Variants in UBXN10 observed in about 807,000 individuals in gnomAD.
The protein encoded by UBXN10 is UBX domain-containing protein 10.
A neutral mutation model predicts 6.9 loss-of-function variants in UBXN10; 6 were observed. The observed-to-expected ratio is 0.87, with a 90% CI of 0.48 to 1.72. The LOEUF (loss-of-function observed/expected upper bound fraction) is 1.72, where lower values mean the gene tolerates loss of function less well. Among genes scored for constraint, UBXN10 ranks in the 40% most tolerant of loss-of-function variants. The pLI is 0.01. For missense variants in UBXN10, 317 were observed against 348.4 expected, an observed-to-expected ratio of 0.91 and a Z score of 0.72; for synonymous variants, 131 against 135.2, an observed-to-expected ratio of 0.97 and a Z score of 0.21.
chr1:20,185,674 T>A (rs1337526699), upstream of UBXN10, among the ~76,000 whole-genome samples: 1 of 152,094 alleles, frequency 6.6e-6, no homozygotes, highest in Non-Finnish European at 1.5e-5. Context: ...CCTAGAAGCA[T>A]CCACTCAGAG....
In UBXN10 at chr1:20,191,116, G is replaced by T; in HGVS notation, c.555G>T (p.Arg185Ser). Reference sequence around the variant, plus strand: ...GAACCAAGAAACAGGGCTCTTCCAGGGCTGGAAATCTGGAGGAACCATCGG... The same window carrying T: ...GAACCAAGAAACAGGGCTCTTCCAGTGCTGGAAATCTGGAGGAACCATCGG... ...IVRTKKQGSS[R>S]AGNLEEPSDQ... The change falls in exon 2 of 2, where the codon AGG becomes AGT. Residue 185 changes from arginine (R) to serine (S), a missense_variant. Coordinates refer to ENST00000375099, the MANE Select transcript of UBXN10 (RefSeq NM_152376.5). The surrounding 1 kb of genome is among the most constrained non-coding windows in gnomAD (Gnocchi z 4.5). 6.2e-7 allele frequency: 1 copy of T among 1,614,148 alleles called. No individual in the cohort carries two copies. Among genetic ancestry groups the T allele is most frequent in the Non-Finnish European group, 8.5e-7 (1 of 1,180,034 alleles).
intron 1 of UBXN10, among the ~76,000 whole-genome samples, chr1:20,188,488 A>G (rs1404250258): frequency 6.6e-6 from 1 of 152,230 alleles, no homozygotes. Context: ...ATTAGGCAGC[A>G]GTGGTTACAT....
Position 20,194,404 on chromosome 1 carries a change from T to G in UBXN10, c.*3000T>G, listed in dbSNP as rs1356956640. ...CACAACAGATCTTGCCCTGAGAATATCTGGGGACCCAGCCAACAGCCTTCA... is the reference window on the plus strand; with the variant it reads ...CACAACAGATCTTGCCCTGAGAATAGCTGGGGACCCAGCCAACAGCCTTCA... On this transcript the variant is annotated 3_prime_UTR_variant, in exon 2 of 2. Transcript: ENST00000375099. The G allele has an allele frequency of 6.0e-6, 1 of 167,052 alleles. No individual in the cohort carries two copies. Among genetic ancestry groups the G allele is most frequent in the Admixed American group, 6.5e-5 (1 of 15,286 alleles). The allele number at this position is 167,052 out of a possible 1,614,324, so 10.3% of individuals were successfully genotyped here. A position where few individuals can be genotyped will look rare whatever the true frequency, so the allele number is the denominator to read the frequency against.
upstream of UBXN10, among the ~76,000 whole-genome samples, chr1:20,185,162 A>C (rs1367923372): frequency 6.6e-6 from 1 of 151,822 alleles, no homozygotes; most frequent in Non-Finnish European, 1.5e-5. Context: ...AAAAAGAAGA[A>C]AGGAGGGAGA....
At chr1:20,184,066 C>G (rs1358524061), upstream of UBXN10, among the ~76,000 whole-genome samples, 1 of 152,238 alleles carries the variant, frequency 6.6e-6, no homozygotes, top group Admixed American at 6.5e-5. Context: ...CTGCCTCCCC[C>G]TGGGGCTGGG....
upstream of UBXN10, among the ~76,000 whole-genome samples, chr1:20,185,882 AGAG>A (rs1016064512): frequency 2.0e-5 from 3 of 152,142 alleles, no homozygotes; most frequent in African/African-American, 7.2e-5. Flanking sequence ...GACGCTAGGA[AGAG>A]GAGGAGAGAA....
chr1:20,189,213 A>G lies in UBXN10; in HGVS notation c.-15-1334A>G, dbSNP rs1349828155. On this transcript the variant is annotated intron_variant, in intron 1 of 1. Transcript: ENST00000375099. ...CCAAATATGCTGTTTCTTGGGGACC[A>G]TGAATCACTGGAAAGTCACCAGAAG... Among the ~76,000 whole-genome samples the G allele has an allele frequency of 2.0e-5, 3 of 152,000 alleles. No homozygotes were observed. In the East Asian group the frequency reaches 5.8e-4, roughly 29 times the overall value.
In UBXN10 at chr1:20,195,525, A is replaced by G. The variant is rs2018584420; in HGVS notation, c.*4121A>G. On this transcript the variant is annotated 3_prime_UTR_variant, in exon 2 of 2. Coordinates refer to ENST00000375099, the MANE Select transcript of UBXN10 (RefSeq NM_152376.5). The stretch of plus-strand genomic sequence containing the variant: ...ACATATAATCCATTTTCTTAAGGAG[A>G]AAAAAAAGGATAGTTTGACAAGTTG... 1 of 166,938 alleles carries G rather than the reference A, an allele frequency of 6.0e-6. No homozygotes were observed. The highest frequency in any genetic ancestry group is 1.5e-5 in the Non-Finnish European group (1 of 68,094). 10.3% of individuals were successfully genotyped at this position (166,938 alleles called of 1,614,324 possible). A position where few individuals can be genotyped will look rare whatever the true frequency, so the allele number is the denominator to read the frequency against.
chr1:20,190,958 G>A lies in UBXN10; in HGVS notation c.397G>A (p.Val133Ile), dbSNP rs764158276. 35 of 1,613,996 alleles carry A rather than the reference G, an allele frequency of 2.2e-5. No homozygotes were observed. The highest frequency in any genetic ancestry group is 3.3e-4 in the Middle Eastern group (2 of 6,084). Reference protein sequence around the residue: ...KNLEEEAVETVAKKASSLQLS... With the variant: ...KNLEEEAVETIAKKASSLQLS... ...CCTGGAGGAGGAGGCTGTGGAAACC[G>A]TTGCCAAAAAGGCCAGCTCACTGCA... Residue 133 changes from valine to isoleucine, a missense_variant, in exon 2 of 2, where the codon GTT (valine) becomes ATT (isoleucine). By Grantham distance (29) the Val-to-Ile change is conservative. Coordinates refer to ENST00000375099, the MANE Select transcript of UBXN10 (RefSeq NM_152376.5).
intron 1 of UBXN10, among the ~76,000 whole-genome samples, chr1:20,190,230 TA>T (rs2018465921): frequency 6.6e-6 from 1 of 152,148 alleles, no homozygotes; most frequent in Non-Finnish European, 1.5e-5. Flanking sequence ...TCCCCCACCT[TA>T]ATCACGCTCT....
intron 1 of UBXN10, among the ~76,000 whole-genome samples, chr1:20,190,158 AAC>A (rs1382848739): frequency 3.9e-5 from 6 of 152,338 alleles, no homozygotes; most frequent in African/African-American, 1.2e-4. Flanking sequence ...GTTTTACTGA[AAC>A]ACAGCAGGTT....
rs1217609341 is a variant in UBXN10 at position 20,190,847 on chromosome 1, A to G, written c.286A>G (p.Ile96Val). ...KSPNQGASDEIPELQQQVPTG... is the reference protein window; with the variant it reads ...KSPNQGASDEVPELQQQVPTG... ...TCCAAACCAGGGAGCTTCTGATGAG[A>G]TCCCTGAGCTGCAGCAGCAAGTACC... Residue 96 changes from isoleucine to valine, a missense_variant, in exon 2 of 2, where the codon ATC becomes GTC. By Grantham distance (29) the Ile-to-Val change is conservative. Transcript: ENST00000375099. The G allele has an allele frequency of 6.2e-7, 1 of 1,613,830 alleles. No individual in the cohort carries two copies. Among genetic ancestry groups the G allele is most frequent in the African/African-American group, 1.3e-5 (1 of 74,884 alleles).
chr1:20,184,038 C>A (rs534158542), upstream of UBXN10, among the ~76,000 whole-genome samples: 61 of 152,318 alleles, frequency 4.0e-4, no homozygotes, highest in South Asian at 0.012. Flanking sequence ...TGGACTGGCG[C>A]CTTCCTTTCC....
chr1:20,194,955 A>T lies in UBXN10; in HGVS notation c.*3551A>T, dbSNP rs1037072536. Reference sequence around the variant, plus strand: ...CGAGCCTATTGACTCTCATCCAGAAACCAGAACCAACCAAACCCCACCATA... The same window carrying T: ...CGAGCCTATTGACTCTCATCCAGAATCCAGAACCAACCAAACCCCACCATA... On this transcript the variant is annotated 3_prime_UTR_variant, in exon 2 of 2. Transcript: ENST00000375099. 5.4e-5 allele frequency: 9 copies of T among 167,232 alleles called. No homozygotes were observed. Among genetic ancestry groups the T allele is most frequent in the African/African-American group, 2.2e-4 (9 of 41,574 alleles). 10.4% of individuals were successfully genotyped at this position (167,232 alleles called of 1,614,324 possible). A position where few individuals can be genotyped will look rare whatever the true frequency, so the allele number is the denominator to read the frequency against.
Position 20,187,282 on chromosome 1 carries a change from G to A in UBXN10, c.-16+1129G>A, listed in dbSNP as rs965608214. ...TTGTGTTTAAGTAAACAGGCCACTCGCCTATTCAGCTTGGCAGCTTGATAG... is the reference window on the plus strand; with the variant it reads ...TTGTGTTTAAGTAAACAGGCCACTCACCTATTCAGCTTGGCAGCTTGATAG... On this transcript the variant is annotated intron_variant, in intron 1 of 1. Transcript: ENST00000375099. The surrounding 1 kb of genome is among the most constrained non-coding windows in gnomAD (Gnocchi z 4.6). 3.9e-5 allele frequency among the ~76,000 whole-genome samples: 6 copies of A among 152,204 alleles called. No individual in the cohort carries two copies. Among genetic ancestry groups the A allele is most frequent in the African/African-American group, 1.4e-4 (6 of 41,442 alleles).
rs1295257844 is a variant in UBXN10, at chr1:20,192,348, G to A, written c.*944G>A. The A allele has an allele frequency of 1.2e-5, 2 of 167,132 alleles. No homozygotes were observed. Among genetic ancestry groups the A allele is most frequent in the Admixed American group, 1.3e-4 (2 of 15,284 alleles). 10.4% of individuals were successfully genotyped at this position (167,132 alleles called of 1,614,324 possible). On this transcript the variant is annotated 3_prime_UTR_variant, in exon 2 of 2. Transcript: ENST00000375099. ...CTTCAAACATGGTGTGTCCTTTGGA[G>A]CTGTGACAGAGGTGCCTGTTCTGAC...
At position 20,195,332 on chromosome 1, in the gene UBXN10, T is replaced by A. The variant is rs1240977302; in HGVS notation, c.*3928T>A. 1 of 167,244 alleles carries A rather than the reference T, an allele frequency of 6.0e-6. No homozygotes were observed. 10.4% of individuals were successfully genotyped at this position (167,244 alleles called of 1,614,324 possible). A position where few individuals can be genotyped will look rare whatever the true frequency, so the allele number is the denominator to read the frequency against. On this transcript the variant is annotated 3_prime_UTR_variant, in exon 2 of 2. Coordinates refer to ENST00000375099, the MANE Select transcript of UBXN10 (RefSeq NM_152376.5). Reference sequence around the variant, plus strand: ...GCCCACGGGTAAAACTGAGCAAGCCTCATTCAGACTGTCCTGCTCAGAGGC... The same window carrying A: ...GCCCACGGGTAAAACTGAGCAAGCCACATTCAGACTGTCCTGCTCAGAGGC...
rs574894049 is a variant in UBXN10 at position 20,186,703 on chromosome 1, C to G, written c.-16+550C>G. Among the ~76,000 whole-genome samples the G allele has an allele frequency of 5.4e-3, 830 of 152,332 alleles. 7 individuals are homozygous for G. The highest frequency in any genetic ancestry group is 0.019 in the African/African-American group (787 of 41,578). ...GCCCTTCTGACGCTGGAATCATCCCCAGTTCTCTATCCAAACATTTGATCA... is the reference window on the plus strand; with the variant it reads ...GCCCTTCTGACGCTGGAATCATCCCGAGTTCTCTATCCAAACATTTGATCA... On this transcript the variant is annotated intron_variant, in intron 1 of 1. Transcript: ENST00000375099.
At chr1:20,188,177 T>C (rs1454337962) in intron 1 of UBXN10, among the ~76,000 whole-genome samples, 3 of 152,200 alleles carry the variant, frequency 2.0e-5, no homozygotes, top group Admixed American at 6.5e-5. Flanking sequence ...TTCTTCACAG[T>C]TGATCAGAAA....
Sources: allele counts gnomAD v4.1 joint callset (sites outside exome capture counted in the v4.1 genomes callset), GRCh38; gene constraint gnomAD v4.1.1; non-coding constraint Gnocchi (gnomAD v3.1); transcripts MANE v1.5; gene names NCBI Gene and HGNC (gene_info 2026-07-23, HGNC 2026-07-21).